Variants in MIA3 observed in about 807,000 individuals in gnomAD.
The protein encoded by MIA3 is MIA SH3 domain ER export factor 3.
MIA3 carries 90 observed loss-of-function variants against 192.4 expected under a neutral mutation model. That is an observed-to-expected ratio of 0.47 (90% CI 0.39 to 0.56). The LOEUF (loss-of-function observed/expected upper bound fraction) is 0.56. MIA3 is among the 20% of genes least tolerant of loss of function. MIA3 has a pLI of 0.00. For missense variants in MIA3, 2,123 were observed against 2,269.4 expected (o/e 0.94, Z 1.31); for synonymous variants, 740 against 792.8 (o/e 0.93, Z 1.12).
chr1:222,654,140 ATGTT>A (rs1483382898), intron 15 of MIA3, 99 bp from the exon 16 acceptor site: 1 of 1,101,580 alleles, frequency 9.1e-7, no homozygotes, highest in African/African-American at 1.6e-5. Context: ...TGTTCTTTAA[ATGTT>A]TGAACATGAC....
chr1:222,619,578 T>G (rs1467720214), intron 1 of MIA3, among the ~76,000 whole-genome samples: 1 of 152,250 alleles, frequency 6.6e-6, no homozygotes, highest in Non-Finnish European at 1.5e-5. Context: ...TCCCTTTAGT[T>G]TTCTTGGGTC....
At chr1:222,618,265 C>A (rs1338665305) in intron 1 of MIA3, 22 bp downstream of exon 1, 37 of 1,383,190 alleles carry the variant, frequency 2.7e-5, no homozygotes, top group Non-Finnish European at 3.4e-5. Context: ...GGAGGGGCGG[C>A]TGGCCTCGGG....
rs1269751406 is a variant in MIA3, at chr1:222,654,409, A to G, written c.4398A>G (p.Val1466=). The change falls in exon 17 of 28, where the codon GTA becomes GTG. Residue 1466 remains valine (V), a synonymous_variant. Transcript: ENST00000344922. ...DVSRTQTAIS[V]VEEDLKLLQL... The stretch of plus-strand genomic sequence containing the variant: ...TTTAGACACAGACTGCAATATCGGT[A>G]GTTGAAGAGGATCTAAAGCTTTTAC... The G allele has an allele frequency of 6.2e-7, 1 of 1,613,674 alleles. No individual in the cohort carries two copies. Among genetic ancestry groups the G allele is most frequent in the African/African-American group, 1.3e-5 (1 of 74,918 alleles).
At chr1:222,630,436 G>T in intron 4 of MIA3, 47 bp downstream of exon 4, 1 of 1,530,710 alleles carries the variant, frequency 6.5e-7, no homozygotes, top group Non-Finnish European at 8.8e-7. Context: ...AAGCAGGTGG[G>T]TGGGTCGCTG....
At chr1:222,630,491 C>T (rs1447910026) in intron 4 of MIA3, 102 bp downstream of exon 4, 2 of 1,235,548 alleles carry the variant, frequency 1.6e-6, no homozygotes, top group African/African-American at 1.5e-5. Context: ...TCCAATGTGC[C>T]TAAAGGAGAG....
rs372316899 is a variant in MIA3, at chr1:222,628,089, A to G, written c.869A>G (p.Asp290Gly). Residue 290 changes from aspartate (D) to glycine (G), a missense_variant, in exon 4 of 28, where the codon GAT (aspartate) becomes GGT (glycine). This residue lies in a region of MIA3 where 1,357 missense variants were observed against 1,396.1 expected (regional missense o/e 0.97). Coordinates refer to ENST00000344922, the MANE Select transcript of MIA3 (RefSeq NM_198551.4). ...GSTADALVSD[D>G]ETTRLVTSLE... ...ACAGCTGATGCACTTGTATCTGATGATGAGACAACCAGACTCGTTACTTCA... is the reference window on the plus strand; with the variant it reads ...ACAGCTGATGCACTTGTATCTGATGGTGAGACAACCAGACTCGTTACTTCA... 4.3e-5 allele frequency: 69 copies of G among 1,614,006 alleles called. No individual in the cohort carries two copies. The highest frequency in any genetic ancestry group is 5.6e-5 in the Non-Finnish European group (66 of 1,180,034).
Position 222,650,705 on chromosome 1 carries a change from A to G in MIA3, c.3792A>G (p.Lys1264=). 1 of 1,595,240 alleles carries G rather than the reference A, an allele frequency of 6.3e-7. No homozygotes were observed. Among genetic ancestry groups the G allele is most frequent in the Non-Finnish European group, 8.6e-7 (1 of 1,169,256 alleles). Residue 1264 remains lysine (K), a synonymous_variant, in exon 10 of 28, where the codon AAA becomes AAG. Coordinates refer to ENST00000344922, the MANE Select transcript of MIA3 (RefSeq NM_198551.4). ...QNMILSDEAI[K]YKDKIKTLEK... ...TGATTCTCTCTGATGAAGCAATTAA[A>G]TATAAGGTAAAAACTTCTTTTGGGG...
chr1:222,630,899 T>C (rs1191315981), intron 4 of MIA3, among the ~76,000 whole-genome samples: 2 of 152,174 alleles, frequency 1.3e-5, no homozygotes, highest in African/African-American at 4.8e-5. Flanking sequence ...GGTTCTTGCA[T>C]GCAGATTAAT....
intron 13 of MIA3, 151 bp from the exon 14 acceptor site, chr1:222,652,857 C>G: frequency 1.4e-6 from 1 of 710,440 alleles, no homozygotes. Flanking sequence ...GGGTTGGGGC[C>G]ACTGTCTCCT....
intron 3 of MIA3, among the ~76,000 whole-genome samples, chr1:222,625,626 G>T (rs981067547): frequency 2.6e-5 from 4 of 152,190 alleles, no homozygotes; most frequent in Admixed American, 2.6e-4. Context: ...TTCAGGTGAG[G>T]TCCAGTCTCA....
rs1449559897 is a variant in MIA3 at position 222,629,980 on chromosome 1, G to A, written c.2760G>A (p.Arg920=). 6 of 1,613,948 alleles carry A rather than the reference G, an allele frequency of 3.7e-6. No individual in the cohort carries two copies. Among genetic ancestry groups the A allele is most frequent in the Non-Finnish European group, 4.2e-6 (5 of 1,180,002 alleles). Residue 920 remains arginine, a synonymous_variant, in exon 4 of 28, where the codon AGG becomes AGA. Coordinates refer to ENST00000344922, the MANE Select transcript of MIA3 (RefSeq NM_198551.4). ...TAGAGCCAGGGCATAGTGACAAGAG[G>A]GAGGACTTACTTATCATAAGCAGCT... ...TSVEPGHSDK[R]EDLLIISSFF... is the part of the protein sequence containing the mutation.
intron 1 of MIA3, among the ~76,000 whole-genome samples, chr1:222,620,050 C>T (rs1661787791): frequency 6.6e-6 from 1 of 152,158 alleles, no homozygotes; most frequent in Non-Finnish European, 1.5e-5. Context: ...TAAACCTGGC[C>T]TCACACTCAA....
rs780844470 is a variant in MIA3, at chr1:222,660,332, T to G, written c.5113+18T>G. ...TGAATTTGGTGAGCATTCACATGTTTCCTTGCAATACTCTTTTGGGTGGCT... is the reference window on the plus strand; with the variant it reads ...TGAATTTGGTGAGCATTCACATGTTGCCTTGCAATACTCTTTTGGGTGGCT... On this transcript the variant is annotated intron_variant, in intron 24 of 27. Coordinates refer to ENST00000344922, the MANE Select transcript of MIA3 (RefSeq NM_198551.4). 5 of 1,600,586 alleles carry G rather than the reference T, an allele frequency of 3.1e-6. No individual in the cohort carries two copies. The highest frequency in any genetic ancestry group is 3.4e-6 in the Non-Finnish European group (4 of 1,175,378).
chr1:222,659,493 G>C lies in MIA3; in HGVS notation c.4750G>C (p.Glu1584Gln). The C allele has an allele frequency of 1.2e-6, 2 of 1,613,996 alleles. No individual in the cohort carries two copies. Among genetic ancestry groups the C allele is most frequent in the Non-Finnish European group, 1.7e-6 (2 of 1,179,898 alleles). The change falls in exon 20 of 28, where the codon GAG becomes CAG. Residue 1584 changes from glutamate (E) to glutamine (Q), a missense_variant. This residue lies in a region of MIA3 where 762 missense variants were observed against 856.4 expected (regional missense o/e 0.89). Coordinates refer to ENST00000344922, the MANE Select transcript of MIA3 (RefSeq NM_198551.4). The part of the protein sequence containing the change: ...EEMEDELQKT[E>Q]RSFKNQIATH... The stretch of plus-strand genomic sequence containing the variant: ...AATGGAGGATGAATTACAGAAGACA[G>C]AGCGGTCATTTAAAAACCAGGTAAT...
intron 12 of MIA3, 84 bp downstream of exon 12, chr1:222,652,132 G>A: frequency 7.4e-7 from 1 of 1,355,074 alleles, no homozygotes; most frequent in South Asian, 1.2e-5. Flanking sequence ...ATGCTAAAAT[G>A]TGCAAAAAAT....
intron 2 of MIA3, among the ~76,000 whole-genome samples, chr1:222,622,733 G>GC (rs1488470109): frequency 2.6e-5 from 4 of 151,782 alleles, no homozygotes; most frequent in Admixed American, 2.0e-4. Context: ...GAAAAGTTAA[G>GC]TTTTTTTTTC....
chr1:222,665,335 T>C lies in MIA3; in HGVS notation c.5440T>C (p.Leu1814=), dbSNP rs759741381. ...FGPGMRPPLG[L]REFAPGVPPG... The stretch of plus-strand genomic sequence containing the variant: ...CCCTGGTATGCGTCCACCACTAGGC[T>C]TAAGAGAATTTGCACCAGGCGTTCC... Residue 1814 remains leucine, a synonymous_variant, in exon 28 of 28, where the codon TTA becomes CTA. Transcript: ENST00000344922. 1.2e-6 allele frequency: 2 copies of C among 1,613,552 alleles called. No individual in the cohort carries two copies. The highest frequency in any genetic ancestry group is 1.3e-5 in the African/African-American group (1 of 74,974).
chr1:222,651,853 T>G (rs960093342), intron 11 of MIA3, 124 bp from the exon 12 acceptor site: 1 of 691,756 alleles, frequency 1.4e-6, no homozygotes, highest in South Asian at 1.6e-5. Context: ...AACACCTGCT[T>G]TTACCTGAAA....
chr1:222,666,288 GA>G lies in MIA3; in HGVS notation c.*670del, dbSNP rs1213124279. 1 of 152,176 alleles carries G rather than the reference GA, an allele frequency of 6.6e-6. No individual in the cohort carries two copies. Among genetic ancestry groups the G allele is most frequent in the Non-Finnish European group, 1.5e-5 (1 of 68,044 alleles). 9.4% of individuals were successfully genotyped at this position (152,176 alleles called of 1,614,324 possible). ...TCCGTCACCTGTGAACTCTACAAGT[GA>G]CGTCTTTTTATTTCAAAGAAGTTTA... On this transcript the variant is annotated 3_prime_UTR_variant, in exon 28 of 28. Transcript: ENST00000344922.
Sources: allele counts gnomAD v4.1 joint callset (sites outside exome capture counted in the v4.1 genomes callset), GRCh38; gene constraint gnomAD v4.1.1; regional missense constraint gnomAD v4.1.1; transcripts MANE v1.5; gene names NCBI Gene and HGNC (gene_info 2026-07-23, HGNC 2026-07-21).